Variants in DNTTIP1 observed in about 807,000 individuals in gnomAD.
DNTTIP1 encodes the protein deoxynucleotidyltransferase terminal interacting protein 1, also known as deoxynucleotidyltransferase terminal-interacting protein 1.
DNTTIP1 carries 22 observed loss-of-function variants against 52.9 expected under a neutral mutation model. That is an observed-to-expected ratio of 0.42 (90% CI 0.30 to 0.59). DNTTIP1 has a LOEUF of 0.59. Among genes scored for constraint, DNTTIP1 ranks in the 20% least tolerant of loss-of-function variants. The pLI is 0.22. For missense variants in DNTTIP1, 286 were observed against 435.5 expected (o/e 0.66, Z 3.06); for synonymous variants, 136 against 155.1 (o/e 0.88, Z 0.92).
chr20:45,810,193 C>G, intron 11 of DNTTIP1, among the ~76,000 whole-genome samples: 1 of 152,032 alleles, frequency 6.6e-6, no homozygotes, highest in South Asian at 2.1e-4. Context: ...TATTCCTGAC[C>G]CTAACATTAG....
Position 45,805,169 on chromosome 20 carries a change from A to G in DNTTIP1, c.627A>G (p.Glu209=). 6.2e-7 allele frequency: 1 copy of G among 1,614,200 alleles called. No homozygotes were observed. The highest frequency in any genetic ancestry group is 1.3e-5 in the African/African-American group (1 of 75,044). ...AGTGGGACCCAGCTCGCCTGAATGA[A>G]TCTACCACCTTTGTGTTGGGATCTC... ...GPKWDPARLN[E]STTFVLGSRA... is the part of the protein sequence containing the mutation. The change falls in exon 9 of 13, where the codon GAA becomes GAG. Residue 209 remains glutamate (E), a synonymous_variant. Transcript: ENST00000372622.
In DNTTIP1 at chr20:45,805,133, A is replaced by T. The variant is rs371721880; in HGVS notation, c.604-13A>T. On this transcript the variant is annotated splice_polypyrimidine_tract_variant and intron_variant, in intron 8 of 12. Transcript: ENST00000372622. ...AAACTTCACCCTCACGAGCTTCTCTATTTTTTGCACAGTGGGACCCAGCTC... is the reference window on the plus strand; with the variant it reads ...AAACTTCACCCTCACGAGCTTCTCTTTTTTTTGCACAGTGGGACCCAGCTC... 2.3e-5 allele frequency: 37 copies of T among 1,613,726 alleles called. No individual in the cohort carries two copies. The highest frequency in any genetic ancestry group is 3.1e-5 in the Non-Finnish European group (37 of 1,179,806).
At chr20:45,802,079 G>A (rs765834846) in intron 7 of DNTTIP1, 22 bp downstream of exon 7, 2 of 1,613,776 alleles carry the variant, frequency 1.2e-6, no homozygotes, top group Non-Finnish European at 1.7e-6. Context: ...CCAACAGTGT[G>A]GTGAGAGCAT....
rs1263230730 is a variant in DNTTIP1, at chr20:45,811,346, CA to C, written c.*152del. On this transcript the variant is annotated 3_prime_UTR_variant, in exon 13 of 13. Transcript: ENST00000372622. ...GTAGTGACTCACTGCACAGCACCCCCAGACTAGCATGTGGTTCTATATTTGT... is the reference window on the plus strand; with the variant it reads ...GTAGTGACTCACTGCACAGCACCCCCGACTAGCATGTGGTTCTATATTTGT... The C allele has an allele frequency of 2.6e-6, 2 of 755,482 alleles. No individual in the cohort carries two copies. Among genetic ancestry groups the C allele is most frequent in the East Asian group, 5.4e-5 (2 of 37,338 alleles). The allele number at this position is 755,482 out of a possible 1,614,324, so 46.8% of individuals were successfully genotyped here.
At chr20:45,808,127 G>A (rs762561468) in intron 10 of DNTTIP1, among the ~76,000 whole-genome samples, 1 of 151,370 alleles carries the variant, frequency 6.6e-6, no homozygotes, top group African/African-American at 2.4e-5. Flanking sequence ...GGGTGGATCA[G>A]TTGAGGCCAG....
At chr20:45,799,259 A>G (rs963679449) in intron 4 of DNTTIP1, among the ~76,000 whole-genome samples, 7 of 152,250 alleles carry the variant, frequency 4.6e-5, no homozygotes, top group East Asian at 3.8e-4. Flanking sequence ...TTGAGAAGGA[A>G]AAGCCAGCAA....
At position 45,792,716 on chromosome 20, in the gene DNTTIP1, C is replaced by G. The variant is rs1000676470; in HGVS notation, c.145C>G (p.Arg49Gly). ...NIMIKHRQVQRRGRRSQMTTS... is the reference protein window; with the variant it reads ...NIMIKHRQVQGRGRRSQMTTS... The stretch of plus-strand genomic sequence containing the variant: ...AATGATAAAGCACCGGCAGGTGCAG[C>G]GGAGGGGCCGCCGCTCACAGATGAC... Residue 49 changes from arginine to glycine, a missense_variant, in exon 2 of 13, where the codon CGG (arginine) becomes GGG (glycine). By Grantham distance (125) the Arg-to-Gly change is moderately radical. This residue lies in a region of DNTTIP1 where 208 missense variants were observed against 266.5 expected (regional missense o/e 0.78). Transcript: ENST00000372622. The G allele has an allele frequency of 8.1e-6, 13 of 1,612,340 alleles. No individual in the cohort carries two copies. The highest frequency in any genetic ancestry group is 1.3e-5 in the African/African-American group (1 of 74,838).
chr20:45,805,042 T>C, intron 8 of DNTTIP1, 104 bp from the exon 9 acceptor site: 1 of 1,009,382 alleles, frequency 9.9e-7, no homozygotes, highest in South Asian at 1.3e-5. Context: ...GTTGATTAAA[T>C]AATAGACAAG....
chr20:45,810,606 C>T (rs187520828), intron 11 of DNTTIP1, among the ~76,000 whole-genome samples: 2 of 146,298 alleles, frequency 1.4e-5, no homozygotes, highest in Admixed American at 1.4e-4. Context: ...ATTTTCACCA[C>T]ACCATTCAAG....
chr20:45,802,640 A>G (rs1981513077), intron 7 of DNTTIP1, among the ~76,000 whole-genome samples: 1 of 152,124 alleles, frequency 6.6e-6, no homozygotes, highest in African/African-American at 2.4e-5. Context: ...TGATGAGCCT[A>G]CTTTGACTCG....
chr20:45,804,989 C>T (rs868537610), intron 8 of DNTTIP1, among the ~76,000 whole-genome samples, 157 bp from the exon 9 acceptor site: 4 of 152,188 alleles, frequency 2.6e-5, no homozygotes, highest in African/African-American at 9.7e-5. Context: ...CTAGCACAGA[C>T]AGGGCCTAGC....
In DNTTIP1 at chr20:45,795,449, A is replaced by G; in HGVS notation, c.372+6A>G. On this transcript the variant is annotated splice_donor_region_variant and intron_variant, in intron 4 of 12. Coordinates refer to ENST00000372622, the MANE Select transcript of DNTTIP1 (RefSeq NM_052951.3). Reference sequence around the variant, plus strand: ...GTCGGAGCTGCCTGGAGCAGGTGAGACCAAAGGGGACAAGAGATGCAGGCA... The same window carrying G: ...GTCGGAGCTGCCTGGAGCAGGTGAGGCCAAAGGGGACAAGAGATGCAGGCA... The G allele has an allele frequency of 6.3e-7, 1 of 1,574,982 alleles. No individual in the cohort carries two copies. The highest frequency in any genetic ancestry group is 8.7e-7 in the Non-Finnish European group (1 of 1,152,006).
intron 10 of DNTTIP1, among the ~76,000 whole-genome samples, chr20:45,806,200 A>G (rs939495752): frequency 2.6e-5 from 4 of 151,850 alleles, no homozygotes; most frequent in Non-Finnish European, 5.9e-5. Context: ...TACTAAAAAT[A>G]CAAAAATTAG....
chr20:45,795,146 TA>T (rs1252099840), intron 3 of DNTTIP1, among the ~76,000 whole-genome samples, 198 bp from the exon 4 acceptor site: 2 of 152,142 alleles, frequency 1.3e-5, no homozygotes, highest in Admixed American at 1.3e-4. Flanking sequence ...CCCCCACGAT[TA>T]TATCCGTAAG....
intron 2 of DNTTIP1, 45 bp downstream of exon 2, chr20:45,792,792 G>A (rs962136935): frequency 6.4e-7 from 1 of 1,566,358 alleles, no homozygotes; most frequent in Non-Finnish European, 8.7e-7. Context: ...CCACTGGCTT[G>A]CATGGCAGAT....
chr20:45,792,428 C>G (rs761756251), intron 1 of DNTTIP1: 1 of 481,854 alleles, frequency 2.1e-6, no homozygotes, highest in African/African-American at 2.0e-5. Context: ...AGAGTTGACC[C>G]TCGGTAAATA....
In DNTTIP1 at chr20:45,793,933, T is replaced by C; in HGVS notation, c.189T>C (p.Pro63=). The change falls in exon 3 of 13, where the codon CCT becomes CCC. Residue 63 remains proline (P), a synonymous_variant. Coordinates refer to ENST00000372622, the MANE Select transcript of DNTTIP1 (RefSeq NM_052951.3). ...CTCCTGAATGCAGTTTCACAGATCC[T>C]GCCATCTCCATGGATCTCCTCCGAG... ...RSQMTTSFTD[P]AISMDLLRAV... The C allele has an allele frequency of 6.3e-7, 1 of 1,592,958 alleles. No individual in the cohort carries two copies. Among genetic ancestry groups the C allele is most frequent in the Non-Finnish European group, 8.6e-7 (1 of 1,169,194 alleles).
Position 45,809,977 on chromosome 20 carries a change from G to A in DNTTIP1, c.795+792G>A, listed in dbSNP as rs889461622. ...TACATAAATAAGAAATAGATGGTAG[G>A]GGGTGGGGGCAGGACCTAAAATTAA... On this transcript the variant is annotated intron_variant, in intron 11 of 12. Transcript: ENST00000372622. This position sits in a 1 kb window ranked among gnomAD's most constrained non-coding sequence, Gnocchi z 4.2. Among the ~76,000 whole-genome samples the A allele has an allele frequency of 2.0e-5, 3 of 152,086 alleles. No homozygotes were observed. Among genetic ancestry groups the A allele is most frequent in the African/African-American group, 7.2e-5 (3 of 41,394 alleles).
At chr20:45,810,340 A>G (rs1981782824) in intron 11 of DNTTIP1, among the ~76,000 whole-genome samples, 1 of 152,222 alleles carries the variant, frequency 6.6e-6, no homozygotes, top group African/African-American at 2.4e-5. Context: ...ATACAGGCCA[A>G]TTACTAGACA....
Sources: allele counts gnomAD v4.1 joint callset (sites outside exome capture counted in the v4.1 genomes callset), GRCh38; gene constraint gnomAD v4.1.1; regional missense constraint gnomAD v4.1.1; non-coding constraint Gnocchi (gnomAD v3.1); transcripts MANE v1.5; gene names NCBI Gene and HGNC (gene_info 2026-07-23, HGNC 2026-07-21).